Variants in RNF157 observed in about 807,000 individuals in gnomAD.
RNF157 encodes the protein E3 ubiquitin ligase RNF157.
In RNF157, 55 loss-of-function variants were observed where a neutral mutation model predicts 88.3. The observed-to-expected ratio is 0.62, with a 90% CI of 0.50 to 0.78. RNF157 has a LOEUF of 0.78. Among genes scored for constraint, RNF157 ranks in the 30% least tolerant of loss-of-function variants. The probability of loss-of-function intolerance (pLI) is 0.00; values close to 1 mark genes in which losing one functional copy is unlikely to be tolerated. For missense variants in RNF157, 788 were observed against 860.8 expected (o/e 0.92, Z 1.06); for synonymous variants, 334 against 341.2 (o/e 0.98, Z 0.23).
intron 2 of RNF157, among the ~76,000 whole-genome samples, chr17:76,200,929 TTC>T (rs1007839297): frequency 2.6e-5 from 4 of 152,024 alleles, no homozygotes; most frequent in African/African-American, 9.7e-5. Flanking sequence ...TACTCTGGTT[TTC>T]TGTCTTTCTC....
intron 1 of RNF157, chr17:76,226,138 C>T: frequency 1.2e-6 from 2 of 1,603,068 alleles, no homozygotes; most frequent in South Asian, 1.1e-5. Context: ...ACTCTGGGCT[C>T]ATACAGATGC....
Position 76,145,019 on chromosome 17 carries a change from G to C in RNF157, c.*216C>G, listed in dbSNP as rs1169280578. 1.6e-5 allele frequency: 8 copies of C among 513,610 alleles called. No homozygotes were observed. Among genetic ancestry groups the C allele is most frequent in the African/African-American group, 9.6e-5 (5 of 51,950 alleles). The allele number at this position is 513,610 out of a possible 1,614,324, so 31.8% of individuals were successfully genotyped here. On this transcript the variant is annotated 3_prime_UTR_variant, in exon 19 of 19. Transcript: ENST00000269391. Reference sequence around the variant, plus strand: ...TTCCAGAGTCCCTGCAAAAGGTCTCGTGAGCTGCAGTTCATTGAGTGGCTT... The same window carrying C: ...TTCCAGAGTCCCTGCAAAAGGTCTCCTGAGCTGCAGTTCATTGAGTGGCTT...
chr17:76,223,261 C>T (rs888808791), intron 1 of RNF157, among the ~76,000 whole-genome samples: 3 of 150,562 alleles, frequency 2.0e-5, no homozygotes, highest in Non-Finnish European at 2.9e-5. Flanking sequence ...AATCTCTGCT[C>T]GCTGCAACAT....
rs986651889 is a variant in RNF157 at position 76,230,445 on chromosome 17, T to C, written c.88+9708A>G. Among the ~76,000 whole-genome samples the C allele has an allele frequency of 2.0e-5, 3 of 152,162 alleles. No individual in the cohort carries two copies. In the South Asian group the frequency reaches 6.2e-4, roughly 32 times the overall value. ...ATGCAAAGCATCCTGAGTCAAGACC[T>C]TAGCCTTTTCCAAGTTCAATTACAA... On this transcript the variant is annotated intron_variant, in intron 1 of 18. Transcript: ENST00000269391.
In RNF157 at chr17:76,176,260, A is replaced by G. The variant is rs2069101121; in HGVS notation, c.208-2470T>C. 6.6e-6 allele frequency among the ~76,000 whole-genome samples: 1 copy of G among 152,178 alleles called. No individual in the cohort carries two copies. The highest frequency in any genetic ancestry group is 6.5e-5 in the Admixed American group (1 of 15,282). ...AATATATGGATATTTTTTTGCCACAAAAGGCAAAAATAAAGGAAGTGATCA... is the reference window on the plus strand; with the variant it reads ...AATATATGGATATTTTTTTGCCACAGAAGGCAAAAATAAAGGAAGTGATCA... On this transcript the variant is annotated intron_variant, in intron 2 of 18. Transcript: ENST00000269391. This position sits in a 1 kb window ranked among gnomAD's most constrained non-coding sequence, Gnocchi z 4.2.
At chr17:76,220,376 A>G (rs2069960236) in intron 1 of RNF157, among the ~76,000 whole-genome samples, 1 of 128,066 alleles carries the variant, frequency 7.8e-6, no homozygotes, top group Admixed American at 7.9e-5. Context: ...ATGAGTTCGT[A>G]ATGATATCTA....
intron 2 of RNF157, among the ~76,000 whole-genome samples, chr17:76,202,128 T>TCTCTCTCACACACACACACACA (rs1250661867): frequency 2.2e-5 from 3 of 134,602 alleles, no homozygotes; most frequent in African/African-American, 9.4e-5. Context: ...TCTCTCTCTC[T>TCTCTCTCACACACACACACACA]CACACACACA....
At chr17:76,238,588 G>A (rs1039195708) in intron 1 of RNF157, among the ~76,000 whole-genome samples, 2 of 152,174 alleles carry the variant, frequency 1.3e-5, no homozygotes, top group Admixed American at 6.6e-5. Flanking sequence ...TGAAAGAGCG[G>A]TGAATACTTT....
intron 1 of RNF157, among the ~76,000 whole-genome samples, chr17:76,221,789 T>C (rs921161016): frequency 1.3e-5 from 2 of 152,134 alleles, no homozygotes; most frequent in African/African-American, 4.8e-5. Flanking sequence ...AAATGTGAGG[T>C]ATAATGTGTC....
chr17:76,154,322 C>A lies in RNF157; in HGVS notation c.1771G>T (p.Asp591Tyr). 6.2e-7 allele frequency: 1 copy of A among 1,612,016 alleles called. No individual in the cohort carries two copies. ...PAGEQDAEGN[D>Y]VIEEEDGSPT... is the part of the protein sequence containing the mutation. ...GATCCATCCTCTTCCTCTATAACAT[C>A]ATTTCCCTAGGACAGAAGGAAGGCC... is the stretch of plus-strand genomic sequence containing the variant. Residue 591 changes from aspartate to tyrosine, a missense_variant, in exon 17 of 19, where the codon GAT becomes TAT. Coordinates refer to ENST00000269391, the MANE Select transcript of RNF157 (RefSeq NM_052916.3).
intron 2 of RNF157, among the ~76,000 whole-genome samples, chr17:76,210,496 A>C (rs745584087): frequency 1.4e-5 from 2 of 142,762 alleles, no homozygotes; most frequent in African/African-American, 5.1e-5. Context: ...AGGCTGAGGC[A>C]GGAGAATGGC....
At chr17:76,238,067 C>CAG (rs1203381387) in intron 1 of RNF157, among the ~76,000 whole-genome samples, 1 of 143,500 alleles carries the variant, frequency 7.0e-6, no homozygotes, top group African/African-American at 2.6e-5. Context: ...CTGGGCGTGA[C>CAG]AGAGAGAGAC....
chr17:76,161,180 G>A lies in RNF157; in HGVS notation c.1065+355C>T, dbSNP rs765770744. ...ATAAAGAAAAACAGTTACTTTCTTC[G>A]AGGATTCAAATAAAGATAATAAATT... On this transcript the variant is annotated intron_variant, in intron 11 of 18. Transcript: ENST00000269391. This position sits in a 1 kb window ranked among gnomAD's most constrained non-coding sequence, Gnocchi z 4.6. Among the ~76,000 whole-genome samples, 44 of 152,248 alleles carry A rather than the reference G, an allele frequency of 2.9e-4. No individual in the cohort carries two copies. Among genetic ancestry groups the A allele is most frequent in the African/African-American group, 8.7e-4 (36 of 41,550 alleles).
chr17:76,202,784 C>G (rs2069608165), intron 2 of RNF157: 3 of 153,496 alleles, frequency 2.0e-5, no homozygotes, highest in Admixed American at 6.5e-5. Flanking sequence ...GCCTTCTCTG[C>G]AAGGTTATAA....
Position 76,152,382 on chromosome 17 carries a change from T to TA in RNF157, c.1893dup (p.Lys632Ter). ...GGTAAGCAGACCTCAGAGCACAGCTTATTGTCCAGTGCTTTCACGCTTGCG... is the reference window on the plus strand; with the variant it reads ...GGTAAGCAGACCTCAGAGCACAGCTTAATTGTCCAGTGCTTTCACGCTTGCG... On this transcript the variant is annotated frameshift_variant, in exon 18 of 19. Coordinates refer to ENST00000269391, the MANE Select transcript of RNF157 (RefSeq NM_052916.3). LOFTEE classifies it high-confidence loss of function. 6 of 1,611,796 alleles carry TA rather than the reference T, an allele frequency of 3.7e-6. No individual in the cohort carries two copies. Among genetic ancestry groups the TA allele is most frequent in the Non-Finnish European group, 5.1e-6 (6 of 1,177,862 alleles).
intron 1 of RNF157, among the ~76,000 whole-genome samples, chr17:76,232,619 G>A (rs191604166): frequency 1.1e-4 from 16 of 152,272 alleles, no homozygotes; most frequent in Admixed American, 1.0e-3. Flanking sequence ...TCATAGGAGT[G>A]GAACTGCTGA....
At chr17:76,213,000 C>T (rs2069828521) in intron 1 of RNF157, among the ~76,000 whole-genome samples, 1 of 152,170 alleles carries the variant, frequency 6.6e-6, no homozygotes. Flanking sequence ...AGATACCAAA[C>T]GTAGACTAGA....
At position 76,155,235 on chromosome 17, in the gene RNF157, C is replaced by T. The variant is rs1036487217; in HGVS notation, c.1764+17G>A. On this transcript the variant is annotated intron_variant, in intron 16 of 18. Transcript: ENST00000269391. ...TGGTTGTGGGAAGGGGGCACCACTC[C>T]GTGCTGTTGGGGTTACCTCTGCATC... The T allele has an allele frequency of 8.7e-6, 14 of 1,612,150 alleles. No individual in the cohort carries two copies. Among genetic ancestry groups the T allele is most frequent in the African/African-American group, 5.3e-5 (4 of 74,926 alleles).
intron 2 of RNF157, among the ~76,000 whole-genome samples, chr17:76,187,799 T>C (rs574276962): frequency 8.5e-4 from 130 of 152,272 alleles, no homozygotes; most frequent in African/African-American, 2.9e-3. Context: ...GGTTTTACCA[T>C]GTTGGTCAGG....
Sources: gnomAD v4.1 joint callset for allele counts (sites outside exome capture counted in the v4.1 genomes callset) on GRCh38, gnomAD v4.1.1 for gene constraint, Gnocchi (gnomAD v3.1) non-coding constraint, MANE v1.5 for transcripts, NCBI Gene and HGNC (gene_info 2026-07-23, HGNC 2026-07-21) for gene names.